RAB11FIP3: variants seen among roughly 807,000 people sequenced by gnomAD.
The protein encoded by RAB11FIP3 is RAB11 family interacting protein 3, also known as rab11 family-interacting protein 3.
In RAB11FIP3, 17 loss-of-function variants were observed where a neutral mutation model predicts 77.8. That is an observed-to-expected ratio of 0.22 (90% CI 0.15 to 0.33). The LOEUF (loss-of-function observed/expected upper bound fraction) is 0.33. Ranked by LOEUF, RAB11FIP3 falls within the 10% of genes least tolerant of loss-of-function variation. The probability of loss-of-function intolerance (pLI) is 1.00; values close to 1 mark genes in which losing one functional copy is unlikely to be tolerated. For missense variants in RAB11FIP3, 1,005 were observed against 1,011.2 expected, an observed-to-expected ratio of 0.99 and a Z score of 0.08; for synonymous variants, 437 against 448.2, an observed-to-expected ratio of 0.98 and a Z score of 0.31.
chr16:484,568 G>A (rs554776196), intron 4 of RAB11FIP3, among the ~76,000 whole-genome samples: 19 of 152,286 alleles, frequency 1.2e-4, no homozygotes, highest in Admixed American at 3.3e-4. Flanking sequence ...GGTCAGGCTG[G>A]TCTCCAACCC....
chr16:457,398 T>C (rs1490551137), intron 1 of RAB11FIP3, among the ~76,000 whole-genome samples: 1 of 152,204 alleles, frequency 6.6e-6, no homozygotes, highest in Non-Finnish European at 1.5e-5. Context: ...GTCCGTCTGC[T>C]GGAGCGGTGC....
At chr16:464,708 C>A (rs1444729018) in intron 2 of RAB11FIP3, among the ~76,000 whole-genome samples, 1 of 152,130 alleles carries the variant, frequency 6.6e-6, no homozygotes, top group Non-Finnish European at 1.5e-5. Flanking sequence ...CCAGCCTGGG[C>A]AACATAGTGA....
chr16:461,421 G>C lies in RAB11FIP3; in HGVS notation c.732G>C (p.Lys244Asn), dbSNP rs374324482. Reference protein sequence around the residue: ...YGAEQVKDLTKYLDPSGLGVI... With the variant: ...YGAEQVKDLTNYLDPSGLGVI... ...AATTACAGGTGAAGGACTTAACTAA[G>C]TACTTGGATCCCAGTGGGCTCGGCG... The change falls in exon 2 of 14, where the codon AAG becomes AAC. Residue 244 changes from lysine to asparagine, a missense_variant. By Grantham distance (94) the Lys-to-Asn change is moderately conservative. Transcript: ENST00000262305. The surrounding 1 kb of genome is among the most constrained non-coding windows in gnomAD (Gnocchi z 4.5). The C allele has an allele frequency of 6.2e-5, 100 of 1,613,840 alleles. No individual in the cohort carries two copies. The highest frequency in any genetic ancestry group is 6.0e-4 in the East Asian group (27 of 44,826).
intron 11 of RAB11FIP3, 42 bp downstream of exon 11, chr16:519,933 C>T: frequency 6.5e-7 from 1 of 1,540,026 alleles, no homozygotes. Context: ...TGCGCCCAGC[C>T]TGCCCCACGG....
In RAB11FIP3 at chr16:461,052, T is replaced by A. The variant is rs1430768658; in HGVS notation, c.715-352T>A. Among the ~76,000 whole-genome samples, 1 of 151,322 alleles carries A rather than the reference T, an allele frequency of 6.6e-6. No homozygotes were observed. Among genetic ancestry groups the A allele is most frequent in the African/African-American group, 2.5e-5 (1 of 40,606 alleles). On this transcript the variant is annotated intron_variant, in intron 1 of 13. Transcript: ENST00000262305. This position sits in a 1 kb window ranked among gnomAD's most constrained non-coding sequence, Gnocchi z 4.5. The stretch of plus-strand genomic sequence containing the variant: ...TCCCTAAAGCGGCCCGCAGCCTTCT[T>A]GGCACCAGGGATTGGTTTCATAGAA...
intron 5 of RAB11FIP3, among the ~76,000 whole-genome samples, chr16:495,283 C>T (rs913869570): frequency 8.6e-5 from 13 of 151,918 alleles, no homozygotes; most frequent in Non-Finnish European, 1.8e-4. Context: ...CGGGGCAGAG[C>T]CCCCCAGCTA....
At chr16:454,866 A>G (rs942252622) in intron 1 of RAB11FIP3, among the ~76,000 whole-genome samples, 12 of 151,928 alleles carry the variant, frequency 7.9e-5, no homozygotes, top group African/African-American at 2.9e-4. Flanking sequence ...CTTGGCTAAC[A>G]TGGCAAAACG....
At chr16:487,381 C>G (rs934583253) in intron 4 of RAB11FIP3, among the ~76,000 whole-genome samples, 1 of 152,194 alleles carries the variant, frequency 6.6e-6, no homozygotes, top group Non-Finnish European at 1.5e-5. Context: ...CTCGGCCTCC[C>G]AAAGTGCTGG....
chr16:435,161 T>G (rs1291353880), intron 1 of RAB11FIP3, among the ~76,000 whole-genome samples: 1 of 150,344 alleles, frequency 6.7e-6, no homozygotes, highest in African/African-American at 2.5e-5. Context: ...GTCGAGATCT[T>G]GCCACTGCAC....
chr16:490,920 G>A (rs991254960), intron 5 of RAB11FIP3, among the ~76,000 whole-genome samples: 1 of 152,214 alleles, frequency 6.6e-6, no homozygotes, highest in Non-Finnish European at 1.5e-5. Flanking sequence ...TGAGGCTCGA[G>A]CTGGTGCCTG....
At chr16:504,719 A>G (rs1272474195) in intron 7 of RAB11FIP3, among the ~76,000 whole-genome samples, 2 of 1,506 alleles carry the variant, frequency 1.3e-3, no homozygotes, top group Non-Finnish European at 2.3e-3. Flanking sequence ...ACCTCCTCCT[A>G]TACCCCCTCA....
intron 1 of RAB11FIP3, among the ~76,000 whole-genome samples, chr16:435,990 C>A (rs1567354450): frequency 6.6e-6 from 1 of 152,042 alleles, no homozygotes; most frequent in Non-Finnish European, 1.5e-5. Context: ...GCCTGTAATT[C>A]CTGCTTCTTG....
rs941313255 is a variant in RAB11FIP3, at chr16:471,279, G to T, written c.809-16G>T. On this transcript the variant is annotated splice_polypyrimidine_tract_variant and intron_variant, in intron 2 of 13. Coordinates refer to ENST00000262305, the MANE Select transcript of RAB11FIP3 (RefSeq NM_014700.4). This position sits in a 1 kb window ranked among gnomAD's most constrained non-coding sequence, Gnocchi z 4.4. ...GCTATGGGTGGCCTGTTGAGCACGA[G>T]GTCTTCTCCCTGCAGATCCTGATGG... The T allele has an allele frequency of 2.5e-6, 4 of 1,608,962 alleles. No homozygotes were observed. The highest frequency in any genetic ancestry group is 1.7e-5 in the Admixed American group (1 of 59,958).
rs3743896 is a variant in RAB11FIP3 at position 461,080 on chromosome 16, C to T, written c.715-324C>T. 0.12 allele frequency among the ~76,000 whole-genome samples: 18,621 copies of T among 152,076 alleles called. 1,401 individuals carry two copies. Among genetic ancestry groups the T allele is most frequent in the African/African-American group, 0.21 (8,554 of 41,394 alleles). ...CACCAGGGATTGGTTTCATAGAAGA[C>T]GCCTTTCCACAGACGGGCAGGGCGT... On this transcript the variant is annotated intron_variant, in intron 1 of 13. Coordinates refer to ENST00000262305, the MANE Select transcript of RAB11FIP3 (RefSeq NM_014700.4). The surrounding 1 kb of genome is among the most constrained non-coding windows in gnomAD (Gnocchi z 4.5).
intron 6 of RAB11FIP3, chr16:497,374 A>G: frequency 7.7e-7 from 1 of 1,300,652 alleles, no homozygotes; most frequent in Admixed American, 2.3e-5. Flanking sequence ...TCTTACCGAA[A>G]TAAACATGCA....
At chr16:502,840 T>C (rs1469535028) in intron 6 of RAB11FIP3, 164 bp from the exon 7 acceptor site, 5 of 657,760 alleles carry the variant, frequency 7.6e-6, no homozygotes, top group Non-Finnish European at 1.3e-5. Flanking sequence ...TCCCCCTGTA[T>C]ATAGTGCTTT....
chr16:506,435 T>G lies in RAB11FIP3; in HGVS notation c.1499+808T>G, dbSNP rs954229817. On this transcript the variant is annotated intron_variant, in intron 8 of 13. Transcript: ENST00000262305. The surrounding 1 kb of genome is among the most constrained non-coding windows in gnomAD (Gnocchi z 4.5). ...GCAGAAGAGGTTCTTCCTGTGAGCTTCTGTCCCTGCCCAGCTGCGCGGGCA... is the reference window on the plus strand; with the variant it reads ...GCAGAAGAGGTTCTTCCTGTGAGCTGCTGTCCCTGCCCAGCTGCGCGGGCA... Among the ~76,000 whole-genome samples, 1 of 152,146 alleles carries G rather than the reference T, an allele frequency of 6.6e-6. No homozygotes were observed. Among genetic ancestry groups the G allele is most frequent in the Non-Finnish European group, 1.5e-5 (1 of 68,018 alleles).
intron 1 of RAB11FIP3, among the ~76,000 whole-genome samples, chr16:427,650 T>A (rs1021878671): frequency 6.6e-6 from 1 of 152,240 alleles, no homozygotes; most frequent in African/African-American, 2.4e-5. Context: ...AGGAAATCCC[T>A]AAGGTGCATC....
At chr16:430,016 T>C (rs970382200) in intron 1 of RAB11FIP3, among the ~76,000 whole-genome samples, 2 of 151,996 alleles carry the variant, frequency 1.3e-5, no homozygotes, top group Non-Finnish European at 2.9e-5. Flanking sequence ...ATAGATCAGG[T>C]GTAGTGTAAT....
Sources: allele counts gnomAD v4.1 joint callset (sites outside exome capture counted in the v4.1 genomes callset), GRCh38; gene constraint gnomAD v4.1.1; non-coding constraint Gnocchi (gnomAD v3.1); transcripts MANE v1.5; gene names NCBI Gene and HGNC (gene_info 2026-07-23, HGNC 2026-07-21).